Variants in SH3BGR observed in about 807,000 individuals in gnomAD.
SH3BGR encodes the protein SH3 domain-binding glutamic acid-rich protein.
In SH3BGR, 29 loss-of-function variants were observed where a neutral mutation model predicts 24.5. The ratio of observed to expected loss-of-function variants is 1.18; its 90% CI spans 0.88 to 1.61. The LOEUF is 1.61. SH3BGR is among the 40% of genes most tolerant of loss of function. SH3BGR has a pLI of 0.00. For synonymous variants in SH3BGR, 55 were observed against 65.7 expected (o/e 0.84, Z 0.79); for missense variants, 162 against 205.8 (o/e 0.79, Z 1.30).
intron 4 of SH3BGR, among the ~76,000 whole-genome samples, chr21:39,507,329 A>G (rs750904638): frequency 2.6e-4 from 40 of 151,836 alleles, no homozygotes; most frequent in Non-Finnish European, 5.2e-4. Flanking sequence ...GCCTTCTGTG[A>G]TATTTATTTA....
At chr21:39,462,040 G>T (rs1053526017) in intron 1 of SH3BGR, among the ~76,000 whole-genome samples, 1 of 151,954 alleles carries the variant, frequency 6.6e-6, no homozygotes, top group African/African-American at 2.4e-5. Context: ...GTAGAGACAA[G>T]GTTTCACCAC....
chr21:39,487,697 G>A (rs1353868620), intron 3 of SH3BGR, among the ~76,000 whole-genome samples: 2 of 152,164 alleles, frequency 1.3e-5, no homozygotes, highest in Non-Finnish European at 2.9e-5. Context: ...AATAAGGCAG[G>A]GATAATATAT....
intron 3 of SH3BGR, among the ~76,000 whole-genome samples, chr21:39,485,844 C>G (rs535775081): frequency 6.6e-6 from 1 of 152,120 alleles, no homozygotes; most frequent in Non-Finnish European, 1.5e-5. Context: ...CCCGCCACCA[C>G]GCCCGGCTAA....
At position 39,475,169 on chromosome 21, in the gene SH3BGR, A is replaced by G. The variant is rs1193194995; in HGVS notation, c.266A>G (p.Asn89Ser). ...TCTTTCTTCTCTGCAAAAGAAGAGA[A>G]TATTATTTATTCCTTCCTTGGTTTG... ...FDSFFSAKEE[N>S]IIYSFLGLAP... Residue 89 changes from asparagine to serine, a missense_variant, in exon 3 of 7, where the codon AAT becomes AGT. Asn to Ser is a conservative substitution (Grantham distance 46). Transcript: ENST00000333634. 6.2e-7 allele frequency: 1 copy of G among 1,612,470 alleles called. No individual in the cohort carries two copies. Among genetic ancestry groups the G allele is most frequent in the Non-Finnish European group, 8.5e-7 (1 of 1,178,760 alleles).
At chr21:39,487,537 CCTT>C (rs938534611) in intron 3 of SH3BGR, among the ~76,000 whole-genome samples, 8 of 152,176 alleles carry the variant, frequency 5.3e-5, no homozygotes, top group African/African-American at 9.7e-5. Flanking sequence ...CGAGGGCTGT[CCTT>C]CTCATGGGAA....
chr21:39,492,564 C>T (rs571706892), intron 3 of SH3BGR, among the ~76,000 whole-genome samples: 51 of 151,726 alleles, frequency 3.4e-4, no homozygotes, highest in East Asian at 1.8e-3. Context: ...TTGGCAATTG[C>T]GCATTGTGCT....
upstream of SH3BGR, among the ~76,000 whole-genome samples, chr21:39,449,755 A>G (rs931677511): frequency 6.6e-6 from 1 of 152,204 alleles, no homozygotes; most frequent in African/African-American, 2.4e-5. Flanking sequence ...TGGATATGCC[A>G]TTTCCTATTC....
At position 39,511,587 on chromosome 21, in the gene SH3BGR, T is replaced by G. The variant is rs79585636; in HGVS notation, c.436-93T>G. On this transcript the variant is annotated intron_variant, in intron 5 of 6. Coordinates refer to ENST00000333634, the MANE Select transcript of SH3BGR (RefSeq NM_007341.3). The surrounding 1 kb of genome is among the most constrained non-coding windows in gnomAD (Gnocchi z 4.2). ...TGTTGTGTGGTGGGGTGTGGGAGGC[T>G]TTGACCTCTAGTCCAGCATTTTACA... 75,868 of 1,304,610 alleles carry G rather than the reference T, an allele frequency of 0.058. 3,023 individuals are homozygous for G. Among genetic ancestry groups the G allele is most frequent in the African/African-American group, 0.18 (11,815 of 67,512 alleles). 80.8% of individuals were successfully genotyped at this position (1,304,610 alleles called of 1,614,324 possible). A position where few individuals can be genotyped will look rare whatever the true frequency, so the allele number is the denominator to read the frequency against.
intron 2 of SH3BGR, among the ~76,000 whole-genome samples, chr21:39,468,590 C>T (rs1395795109): frequency 6.6e-6 from 1 of 152,166 alleles, no homozygotes; most frequent in Non-Finnish European, 1.5e-5. Flanking sequence ...AGGTGTGCAG[C>T]ACCACACCTA....
intron 1 of SH3BGR, among the ~76,000 whole-genome samples, chr21:39,446,610 T>G (rs2077477212): frequency 6.6e-6 from 1 of 152,210 alleles, no homozygotes; most frequent in South Asian, 2.1e-4. Flanking sequence ...AAAATTGGCA[T>G]CTTTAATTGT....
intron 3 of SH3BGR, among the ~76,000 whole-genome samples, chr21:39,495,098 C>G (rs181400173): frequency 2.0e-4 from 30 of 147,638 alleles, no homozygotes; most frequent in Admixed American, 1.4e-4. Context: ...TCGTTCATTG[C>G]AAGCATGTTT....
Position 39,479,244 on chromosome 21 carries a change from G to GTGGTGGTGC in SH3BGR, c.312+4037_312+4038insCTGGTGGTG, listed in dbSNP as rs1569160875. ...GGTAAGGGTGGTGGTGGTGGTGGTGGTGGTGGTGGTGGTGATGGTAGTGCT... is the reference window on the plus strand; with the variant it reads ...GGTAAGGGTGGTGGTGGTGGTGGTGGTGGTGGTGCTGGTGGTGGTGGTGATGGTAGTGCT... On this transcript the variant is annotated intron_variant, in intron 3 of 6. Coordinates refer to ENST00000333634, the MANE Select transcript of SH3BGR (RefSeq NM_007341.3). 3.3e-3 allele frequency among the ~76,000 whole-genome samples: 444 copies of GTGGTGGTGC among 134,280 alleles called. 5 individuals are homozygous for GTGGTGGTGC. Among genetic ancestry groups the GTGGTGGTGC allele is most frequent in the African/African-American group, 0.014 (420 of 30,040 alleles). The allele number at this position is 134,280 out of a possible 152,430, so 88.1% of individuals were successfully genotyped here. A position where few individuals can be genotyped will look rare whatever the true frequency, so the allele number is the denominator to read the frequency against.
chr21:39,498,785 T>C (rs1356191101), intron 3 of SH3BGR, among the ~76,000 whole-genome samples: 1 of 152,184 alleles, frequency 6.6e-6, no homozygotes, highest in Non-Finnish European at 1.5e-5. Context: ...TGTCCATCTA[T>C]CATCTATCTA....
At chr21:39,508,666 C>T (rs531056685) in intron 4 of SH3BGR, among the ~76,000 whole-genome samples, 6 of 152,302 alleles carry the variant, frequency 3.9e-5, no homozygotes, top group African/African-American at 7.2e-5. Context: ...GTCTGAATTT[C>T]GCTAGATAGC....
intron 2 of SH3BGR, among the ~76,000 whole-genome samples, chr21:39,468,738 C>T (rs1313571366): frequency 6.6e-6 from 1 of 152,156 alleles, no homozygotes; most frequent in Non-Finnish European, 1.5e-5. Flanking sequence ...TATGCCTAGA[C>T]CTTATTTTTC....
At chr21:39,508,811 T>C (rs2078626291) in intron 4 of SH3BGR, among the ~76,000 whole-genome samples, 187 bp from the exon 5 acceptor site, 2 of 152,230 alleles carry the variant, frequency 1.3e-5, no homozygotes, top group South Asian at 4.1e-4. Context: ...GCTTGAAATA[T>C]AATGTATGAA....
chr21:39,449,060 T>G (rs1170800274), upstream of SH3BGR, among the ~76,000 whole-genome samples: 1 of 152,202 alleles, frequency 6.6e-6, no homozygotes, highest in Non-Finnish European at 1.5e-5. Context: ...CCTGTTGATA[T>G]AAAGAGCCAA....
chr21:39,458,442 G>A (rs1316130130), intron 1 of SH3BGR, among the ~76,000 whole-genome samples: 1 of 151,980 alleles, frequency 6.6e-6, no homozygotes, highest in Non-Finnish European at 1.5e-5. Flanking sequence ...GGATTCAAGC[G>A]ATTCTCCTGC....
Position 39,510,911 on chromosome 21 carries a change from ATATATAT to A in SH3BGR, c.436-768_436-762del, listed in dbSNP as rs2078677905. Among the ~76,000 whole-genome samples the A allele has an allele frequency of 4.7e-5, 4 of 84,622 alleles. No individual in the cohort carries two copies. In the South Asian group the frequency reaches 1.5e-3, roughly 31 times the overall value. 55.5% of individuals were successfully genotyped at this position (84,622 alleles called of 152,430 possible). On this transcript the variant is annotated intron_variant, in intron 5 of 6. Transcript: ENST00000333634. ...CTTTTTGTATTTGATTCTTCTAACTATATATATATATATATATATATATATATATATA... is the reference window on the plus strand; with the variant it reads ...CTTTTTGTATTTGATTCTTCTAACTAATATATATATATATATATATATATA...
Sources: gnomAD v4.1 joint callset for allele counts (sites outside exome capture counted in the v4.1 genomes callset) on GRCh38, gnomAD v4.1.1 for gene constraint, Gnocchi (gnomAD v3.1) non-coding constraint, MANE v1.5 for transcripts, NCBI Gene and HGNC (gene_info 2026-07-23, HGNC 2026-07-21) for gene names.